CD2AP: variants seen among roughly 807,000 people sequenced by gnomAD.
CD2AP encodes CD2-associated protein.
In CD2AP, 46 loss-of-function variants were observed where a neutral mutation model predicts 85.1. The observed-to-expected ratio is 0.54, with a 90% CI of 0.43 to 0.69. The LOEUF is 0.69. CD2AP is among the 30% of genes least tolerant of loss of function. The pLI is 0.00. For synonymous variants in CD2AP, 255 were observed against 252.9 expected (o/e 1.01, Z -0.08); for missense variants, 769 against 729.5 (o/e 1.05, Z -0.62).
intron 12 of CD2AP, 74 bp downstream of exon 12, chr6:47,596,100 A>G (rs1768937649): frequency 2.9e-6 from 3 of 1,028,632 alleles, no homozygotes; most frequent in East Asian, 4.7e-5. Context: ...TTGCCTTTCT[A>G]AATCTCCAGG....
intron 2 of CD2AP, among the ~76,000 whole-genome samples, chr6:47,531,892 G>A (rs1388244839): frequency 6.6e-6 from 1 of 151,954 alleles, no homozygotes; most frequent in Non-Finnish European, 1.5e-5. Flanking sequence ...GGCCAACATG[G>A]TGAAACTCCG....
chr6:47,556,450 C>T (rs1242464759), intron 5 of CD2AP, among the ~76,000 whole-genome samples: 1 of 151,722 alleles, frequency 6.6e-6, no homozygotes, highest in African/African-American at 2.4e-5. Flanking sequence ...AGACTAGGAG[C>T]GATTCTCCTG....
intron 1 of CD2AP, among the ~76,000 whole-genome samples, chr6:47,499,170 G>A (rs1223961353): frequency 1.3e-5 from 2 of 151,998 alleles, no homozygotes; most frequent in East Asian, 3.9e-4. Flanking sequence ...CCTTGGAATT[G>A]GCCATTTTCC....
At chr6:47,509,667 A>T (rs1766265536) in intron 2 of CD2AP, among the ~76,000 whole-genome samples, 2 of 152,206 alleles carry the variant, frequency 1.3e-5, no homozygotes, top group South Asian at 4.1e-4. Flanking sequence ...TGTCATGCAG[A>T]TACTATGGAA....
At chr6:47,491,271 ATGTGTGTGTG>A (rs57447174) in intron 1 of CD2AP, among the ~76,000 whole-genome samples, 29,940 of 122,412 alleles carry the variant, frequency 0.24, 3,075 homozygotes, top group Non-Finnish European at 0.32. Context: ...GTGTGTGTGT[ATGTGTGTGTG>A]TGTGTGTGTG....
intron 2 of CD2AP, among the ~76,000 whole-genome samples, chr6:47,533,091 A>G (rs1172981571): frequency 1.3e-5 from 2 of 152,236 alleles, no homozygotes; most frequent in Admixed American, 1.3e-4. Flanking sequence ...AAAGGATAAT[A>G]TGACATATAA....
At chr6:47,557,276 G>A (rs555460497) in intron 5 of CD2AP, among the ~76,000 whole-genome samples, 2 of 151,022 alleles carry the variant, frequency 1.3e-5, no homozygotes, top group Admixed American at 1.3e-4. Context: ...TCTGTAGGTT[G>A]CCTGTTCACT....
At chr6:47,533,136 TAAA>T (rs1766933283) in intron 2 of CD2AP, among the ~76,000 whole-genome samples, 2 of 152,258 alleles carry the variant, frequency 1.3e-5, no homozygotes, top group Non-Finnish European at 2.9e-5. Flanking sequence ...TGTCTATAAA[TAAA>T]GTTTTATTGG....
In CD2AP at chr6:47,514,184, T is replaced by C. The variant is rs138815625; in HGVS notation, c.165+10744T>C. 5.9e-5 allele frequency among the ~76,000 whole-genome samples: 9 copies of C among 152,338 alleles called. No homozygotes were observed. The East Asian group carries it at 1.5e-3, about 26-fold the overall frequency. ...AACAACTTTACTATTAGCTGTAAAATTTTCATTTTTAGTATGTCATCAATC... is the reference window on the plus strand; with the variant it reads ...AACAACTTTACTATTAGCTGTAAAACTTTCATTTTTAGTATGTCATCAATC... On this transcript the variant is annotated intron_variant, in intron 2 of 17. Transcript: ENST00000359314.
At chr6:47,610,971 A>ATATATT in intron 16 of CD2AP, among the ~76,000 whole-genome samples, 3 of 112,866 alleles carry the variant, frequency 2.7e-5, no homozygotes, top group Admixed American at 9.0e-5. Context: ...ATATATATGT[A>ATATATT]TTTTTTTTTT....
intron 16 of CD2AP, among the ~76,000 whole-genome samples, chr6:47,609,964 C>T (rs967376446): frequency 2.6e-4 from 39 of 152,218 alleles, no homozygotes; most frequent in African/African-American, 9.4e-4. Flanking sequence ...GATTTGATCA[C>T]TGTTTCTGTG....
At chr6:47,609,512 G>GAAAAAA in intron 16 of CD2AP, 2 of 53,942 alleles carry the variant, frequency 3.7e-5, no homozygotes, top group South Asian at 1.3e-3. Flanking sequence ...CCCCATCTTT[G>GAAAAAA]CAAAAAAAAA....
intron 2 of CD2AP, among the ~76,000 whole-genome samples, chr6:47,514,949 G>A (rs1766414912): frequency 1.3e-5 from 2 of 152,050 alleles, no homozygotes; most frequent in African/African-American, 4.8e-5. Context: ...CTACTCGGGA[G>A]GCTGAGGCAG....
intron 3 of CD2AP, among the ~76,000 whole-genome samples, chr6:47,541,416 G>T (rs1361539368): frequency 6.6e-6 from 1 of 152,128 alleles, no homozygotes; most frequent in Non-Finnish European, 1.5e-5. Flanking sequence ...GAGCCTCCAC[G>T]TCCAGTCTGT....
At chr6:47,599,905 G>T (rs999942802) in intron 13 of CD2AP, among the ~76,000 whole-genome samples, 41 of 151,014 alleles carry the variant, frequency 2.7e-4, no homozygotes, top group Non-Finnish European at 1.2e-4. Flanking sequence ...TAACCCTTTT[G>T]CTAATTTTTT....
At chr6:47,512,126 C>T (rs898968405) in intron 2 of CD2AP, among the ~76,000 whole-genome samples, 1 of 151,962 alleles carries the variant, frequency 6.6e-6, no homozygotes, top group African/African-American at 2.4e-5. Flanking sequence ...CCACTGCACT[C>T]CAGCCTGGGC....
chr6:47,618,242 C>T (rs1769649523), intron 17 of CD2AP, among the ~76,000 whole-genome samples: 1 of 152,126 alleles, frequency 6.6e-6, no homozygotes, highest in African/African-American at 2.4e-5. Context: ...ATCACTTGAA[C>T]CCAGGAGGCA....
intron 13 of CD2AP, among the ~76,000 whole-genome samples, chr6:47,604,865 T>C (rs1769227716): frequency 6.6e-6 from 1 of 152,042 alleles, no homozygotes; most frequent in African/African-American, 2.4e-5. Flanking sequence ...TGAATCAGCT[T>C]AGTTGATACA....
intron 1 of CD2AP, among the ~76,000 whole-genome samples, chr6:47,500,749 G>GTTT (rs35365087): frequency 2.1e-5 from 3 of 140,330 alleles, no homozygotes; most frequent in African/African-American, 7.9e-5. Context: ...TCCTTCCTTG[G>GTTT]TTTTTTTTTT....
Sources: gnomAD v4.1 joint callset for allele counts (sites outside exome capture counted in the v4.1 genomes callset) on GRCh38, gnomAD v4.1.1 for gene constraint, MANE v1.5 for transcripts, NCBI Gene and HGNC (gene_info 2026-07-23, HGNC 2026-07-21) for gene names.